MCM4: variants seen among roughly 807,000 people sequenced by gnomAD.
MCM4 encodes the protein minichromosome maintenance complex component 4.
MCM4 carries 60 observed loss-of-function variants against 88.7 expected under a neutral mutation model. The observed-to-expected ratio is 0.68, with a 90% CI of 0.55 to 0.84. MCM4 has a LOEUF of 0.84. Ranked by LOEUF, MCM4 falls within the 40% of genes least tolerant of loss-of-function variation. MCM4 has a pLI of 0.00. For synonymous variants in MCM4, 465 were observed against 410.5 expected, an observed-to-expected ratio of 1.13 and a Z score of -1.61; for missense variants, 1,149 against 1,105.5, an observed-to-expected ratio of 1.04 and a Z score of -0.56.
At chr8:47,963,828 G>C (rs1017873431) in intron 7 of MCM4, among the ~76,000 whole-genome samples, 3 of 152,202 alleles carry the variant, frequency 2.0e-5, no homozygotes, top group Non-Finnish European at 1.5e-5. Flanking sequence ...GCTGATTACT[G>C]GCTGCATAAC....
chr8:47,961,414 G>A, intron 2 of MCM4, 102 bp from the exon 3 acceptor site: 1 of 1,598,340 alleles, frequency 6.3e-7, no homozygotes, highest in Non-Finnish European at 8.5e-7. Context: ...CCTCTGTTTG[G>A]TTTGGTTCAG....
Position 47,961,576 on chromosome 8 carries a change from C to T in MCM4, c.131C>T (p.Ser44Phe). The T allele has an allele frequency of 6.2e-7, 1 of 1,614,166 alleles. No homozygotes were observed. The highest frequency in any genetic ancestry group is 8.5e-7 in the Non-Finnish European group (1 of 1,180,024). ...SQRRRGEDST[S>F]TGELQPMPTS... ...AGACGTAGAGGCGAGGATTCCACCT[C>T]CACGGGGGAGTTGCAGCCGATGCCA... The change falls in exon 3 of 17, where the codon TCC becomes TTC. Residue 44 changes from serine to phenylalanine, a missense_variant. Around this residue, in one of 3 missense-constraint regions of MCM4, gnomAD observed 906 missense variants for 843.0 expected, o/e 1.07. Coordinates refer to ENST00000649973, the MANE Select transcript of MCM4 (RefSeq NM_182746.3).
chr8:47,975,446 GT>G (rs2090993195), intron 15 of MCM4: 1 of 231,442 alleles, frequency 4.3e-6, no homozygotes, highest in African/African-American at 2.3e-5. Context: ...CTCCTTGACT[GT>G]CTGGGAAGTT....
chr8:47,962,615 C>T, intron 5 of MCM4, 149 bp from the exon 6 acceptor site: 3 of 683,788 alleles, frequency 4.4e-6, no homozygotes, highest in Non-Finnish European at 7.5e-6. Context: ...GAGACTCCAT[C>T]TCCAAATTAA....
intron 14 of MCM4, among the ~76,000 whole-genome samples, chr8:47,973,532 C>T (rs1251819809): frequency 1.3e-5 from 2 of 150,274 alleles, no homozygotes; most frequent in Non-Finnish European, 3.0e-5. Context: ...TCGCTGTGTC[C>T]CCCAGGCTGG....
chr8:47,968,633 T>C (rs2090922757), intron 10 of MCM4, among the ~76,000 whole-genome samples: 4 of 152,188 alleles, frequency 2.6e-5, no homozygotes, highest in Admixed American at 2.6e-4. Context: ...CCCTAGCCTA[T>C]ATTGGAGTGA....
Position 47,961,580 on chromosome 8 carries a change from G to A in MCM4, c.135G>A (p.Thr45=), listed in dbSNP as rs2090836329. The part of the protein sequence containing the change: ...QRRRGEDSTS[T]GELQPMPTSP... ...GTAGAGGCGAGGATTCCACCTCCAC[G>A]GGGGAGTTGCAGCCGATGCCAACCT... Residue 45 remains threonine, a synonymous_variant, in exon 3 of 17, where the codon ACG becomes ACA. Transcript: ENST00000649973. 6.2e-7 allele frequency: 1 copy of A among 1,614,132 alleles called. No homozygotes were observed. The highest frequency in any genetic ancestry group is 8.5e-7 in the Non-Finnish European group (1 of 1,180,030).
At position 47,970,891 on chromosome 8, in the gene MCM4, C is replaced by T. The variant is rs1222924064; in HGVS notation, c.1800+15C>T. ...CCATTGCAAAGGTGAGTCGCCTTCT[C>T]CACCGTGAACATGGACGTGTTTAAA... On this transcript the variant is annotated intron_variant, in intron 12 of 16. Coordinates refer to ENST00000649973, the MANE Select transcript of MCM4 (RefSeq NM_182746.3). The T allele has an allele frequency of 6.4e-7, 1 of 1,568,016 alleles. No individual in the cohort carries two copies. Among genetic ancestry groups the T allele is most frequent in the African/African-American group, 1.4e-5 (1 of 73,694 alleles).
rs927418254 is a variant in MCM4, at chr8:47,971,534, C to T, written c.1928+66C>T. On this transcript the variant is annotated intron_variant, in intron 13 of 16. Transcript: ENST00000649973. ...TCAGGGTGAGATTGAAAAGGAGCTA[C>T]TAAGATTTCAGCAACTGCTAATGGA... The T allele has an allele frequency of 5.0e-5, 78 of 1,552,392 alleles. 1 individual carries two copies. The Admixed American group carries it at 1.3e-3, about 26-fold the overall frequency.
chr8:47,975,553 T>C, intron 15 of MCM4, 162 bp from the exon 16 acceptor site: 1 of 482,014 alleles, frequency 2.1e-6, no homozygotes, highest in Non-Finnish European at 3.5e-6. Flanking sequence ...GCTAGTGGCT[T>C]ACAGAAATTT....
intron 13 of MCM4, among the ~76,000 whole-genome samples, chr8:47,971,863 ACTTG>A (rs565818437): frequency 1.0e-3 from 158 of 152,246 alleles, no homozygotes; most frequent in Non-Finnish European, 1.6e-3. Flanking sequence ...GGTTTTAATT[ACTTG>A]CTTTTTTTTC....
At chr8:47,968,148 G>A (rs1239681470) in intron 10 of MCM4, among the ~76,000 whole-genome samples, 1 of 152,148 alleles carries the variant, frequency 6.6e-6, no homozygotes, top group Non-Finnish European at 1.5e-5. Flanking sequence ...ATGGATTTTG[G>A]TTGGGGGCAA....
chr8:47,971,153 A>G (rs1294811639), intron 12 of MCM4, among the ~76,000 whole-genome samples, 188 bp from the exon 13 acceptor site: 1 of 152,216 alleles, frequency 6.6e-6, no homozygotes, highest in African/African-American at 2.4e-5. Flanking sequence ...ATCTAAACTC[A>G]GTCCTTGGCA....
Position 47,960,963 on chromosome 8 carries a change from CA to C in MCM4, c.-65del, listed in dbSNP as rs2090813795. 1 of 588,796 alleles carries C rather than the reference CA, an allele frequency of 1.7e-6. No individual in the cohort carries two copies. The highest frequency in any genetic ancestry group is 2.5e-5 in the South Asian group (1 of 39,342). 36.5% of individuals were successfully genotyped at this position (588,796 alleles called of 1,614,324 possible). A position where few individuals can be genotyped will look rare whatever the true frequency, so the allele number is the denominator to read the frequency against. ...CTCGCGGTTTGGGAGCGCTACTCGC[CA>C]GGTGGACTCGGAGTCCGCGAGCGTC... On this transcript the variant is annotated 5_prime_UTR_variant, in exon 1 of 17. Coordinates refer to ENST00000649973, the MANE Select transcript of MCM4 (RefSeq NM_182746.3).
rs113188239 is a variant in MCM4, at chr8:47,961,195, G to A, written c.51G>A (p.Arg17=). 6.5e-7 allele frequency: 1 copy of A among 1,534,110 alleles called. No homozygotes were observed. The highest frequency in any genetic ancestry group is 1.9e-5 in the Admixed American group (1 of 52,922). ...GCCGCCGCGGCAGCCGGCGTGGAAG[G>A]GCCACCCCCGCCCAGACGCGTGAGT... ...TPSRRGSRRG[R]ATPAQTPRSE... The change falls in exon 2 of 17, where the codon AGG becomes AGA. Residue 17 remains arginine (R), a synonymous_variant. Coordinates refer to ENST00000649973, the MANE Select transcript of MCM4 (RefSeq NM_182746.3).
At chr8:47,971,610 CACG>C (rs1311396141) in intron 13 of MCM4, 142 bp downstream of exon 13, 8 of 833,788 alleles carry the variant, frequency 9.6e-6, no homozygotes, top group Non-Finnish European at 1.5e-5. Flanking sequence ...CAAGAGTTTT[CACG>C]ACAAGGATGA....
At chr8:47,965,129 C>T (rs927866189) in intron 8 of MCM4, among the ~76,000 whole-genome samples, 2 of 151,898 alleles carry the variant, frequency 1.3e-5, no homozygotes, top group East Asian at 1.9e-4. Context: ...GCAGGAGAAA[C>T]GCTTGAACCC....
intron 7 of MCM4, 86 bp from the exon 8 acceptor site, chr8:47,964,488 T>C: frequency 9.4e-7 from 1 of 1,059,286 alleles, no homozygotes; most frequent in Non-Finnish European, 1.3e-6. Flanking sequence ...CATGTTGTCT[T>C]TTTATACTTT....
chr8:47,971,830 A>G (rs1209623624), intron 13 of MCM4, among the ~76,000 whole-genome samples: 1 of 152,208 alleles, frequency 6.6e-6, no homozygotes, highest in Non-Finnish European at 1.5e-5. Flanking sequence ...CAAATATTGG[A>G]CATTTTTCAT....
Sources: allele counts gnomAD v4.1 joint callset (sites outside exome capture counted in the v4.1 genomes callset), GRCh38; gene constraint gnomAD v4.1.1; regional missense constraint gnomAD v4.1.1; transcripts MANE v1.5; gene names NCBI Gene and HGNC (gene_info 2026-07-23, HGNC 2026-07-21).